GSDMB: variants seen among roughly 807,000 people sequenced by gnomAD.
The protein encoded by GSDMB is gasdermin-B.
Under a neutral mutation model 42.9 loss-of-function variants are expected in GSDMB, and 32 were observed. The observed-to-expected ratio is 0.75, with a 90% CI of 0.56 to 1.00. GSDMB has a LOEUF of 1.00. Ranked by LOEUF, GSDMB falls within the 50% of genes least tolerant of loss-of-function variation. The probability of loss-of-function intolerance (pLI) is 0.00; values close to 1 mark genes in which losing one functional copy is unlikely to be tolerated. For missense variants in GSDMB, 468 were observed against 498.5 expected (o/e 0.94, Z 0.58); for synonymous variants, 175 against 193.7 (o/e 0.90, Z 0.80).
At chr17:39,917,721 A>C (rs1598282221) in intron 1 of GSDMB, 3 of 206,458 alleles carry the variant, frequency 1.5e-5, no homozygotes, top group Non-Finnish European at 2.0e-5. Context: ...TAATGCCACC[A>C]CCCTTTGCTG....
intron 4 of GSDMB, chr17:39,909,462 C>T (rs1054504249): frequency 1.8e-5 from 7 of 383,368 alleles, no homozygotes; most frequent in Admixed American, 8.3e-5. Flanking sequence ...TTTGGGAGGC[C>T]GAGGTGGGTG....
chr17:39,915,361 A>T (rs2063691079), intron 2 of GSDMB, among the ~76,000 whole-genome samples: 2 of 152,216 alleles, frequency 1.3e-5, no homozygotes, highest in East Asian at 3.8e-4. Flanking sequence ...AATCAATTCA[A>T]ATTACCAATT....
intron 5 of GSDMB, 78 bp from the exon 6 acceptor site, chr17:39,908,292 A>AGTCCCTCTC: frequency 1.4e-6 from 1 of 693,344 alleles, no homozygotes; most frequent in Non-Finnish European, 2.6e-6. Context: ...CCCTTTCTCC[A>AGTCCCTCTC]GTCCCTCTCA....
intron 6 of GSDMB, 130 bp from the exon 7 acceptor site, chr17:39,907,117 A>T (rs2063519099): frequency 6.6e-7 from 1 of 1,524,872 alleles, no homozygotes; most frequent in African/African-American, 1.4e-5. Context: ...GGGAGCCTGC[A>T]TCCTCACCAG....
Position 39,909,044 on chromosome 17 carries a change from T to C in GSDMB, c.577-2A>G. On this transcript the variant is annotated splice_acceptor_variant, in intron 4 of 10. Coordinates refer to ENST00000418519, the MANE Select transcript of GSDMB (RefSeq NM_001165958.2). LOFTEE classifies it high-confidence loss of function. ...GGGGATGGTCACTTCCCTTTGGCCCTAGAAAAAGGAGCTCACATTGACGGA... is the reference window on the plus strand; with the variant it reads ...GGGGATGGTCACTTCCCTTTGGCCCCAGAAAAAGGAGCTCACATTGACGGA... The C allele has an allele frequency of 1.3e-6, 2 of 1,580,062 alleles. No homozygotes were observed. Among genetic ancestry groups the C allele is most frequent in the Non-Finnish European group, 1.7e-6 (2 of 1,161,428 alleles).
At chr17:39,908,351 G>A (rs2063544513) in intron 5 of GSDMB, 137 bp from the exon 6 acceptor site, 1 of 577,592 alleles carries the variant, frequency 1.7e-6, no homozygotes, top group African/African-American at 2.1e-5. Context: ...AAAGACAACT[G>A]TTTTTTGTTT....
intron 3 of GSDMB, 71 bp from the exon 4 acceptor site, chr17:39,909,995 C>A: frequency 8.7e-7 from 1 of 1,144,660 alleles, no homozygotes; most frequent in Non-Finnish European, 1.3e-6. Context: ...TTTTCCCTCT[C>A]TGTGAGCCAG....
Position 39,912,452 on chromosome 17 carries a change from C to A in GSDMB, c.281G>T (p.Gly94Val), listed in dbSNP as rs774647453. The A allele has an allele frequency of 1.2e-6, 2 of 1,611,484 alleles. No individual in the cohort carries two copies. Among genetic ancestry groups the A allele is most frequent in the South Asian group, 1.1e-5 (1 of 91,046 alleles). ...FQILDNVDST[G>V]ELIVRLPKEI... ...TTTGGGTAATCTCACTATCAACTCT[C>A]CCGTTGAGTCTACATTATCCAGAAT... The change falls in exon 3 of 11, where the codon GGA becomes GTA. Residue 94 changes from glycine to valine, a missense_variant. Coordinates refer to ENST00000418519, the MANE Select transcript of GSDMB (RefSeq NM_001165958.2).
intron 8 of GSDMB, 28 bp from the exon 9 acceptor site, chr17:39,906,013 C>A (rs763535055): frequency 1.9e-6 from 3 of 1,613,222 alleles, no homozygotes; most frequent in African/African-American, 2.7e-5. Flanking sequence ...GGGAGATGAG[C>A]AGCAGTCTCA....
At chr17:39,907,287 T>A in intron 6 of GSDMB, 3 of 945,272 alleles carry the variant, frequency 3.2e-6, no homozygotes, top group South Asian at 2.4e-5. Context: ...GACTTCTCTA[T>A]CCCTTTCCAA....
In GSDMB at chr17:39,917,198, A is replaced by T; in HGVS notation, c.119T>A (p.Val40Glu). Residue 40 changes from valine to glutamate, a missense_variant, in exon 2 of 11, where the codon GTG (valine) becomes GAG (glutamate). By Grantham distance (121) the Val-to-Glu change is moderately radical. Transcript: ENST00000418519. ...DADRFRCFHL[V>E]GEKRTFFGCR... ...TCCAAAGAAAGTTCTCTTCTCCCCC[A>T]CCAGATGGAAGCAGCGGAATCTATC... The T allele has an allele frequency of 2.5e-6, 4 of 1,613,990 alleles. No homozygotes were observed. Among genetic ancestry groups the T allele is most frequent in the Non-Finnish European group, 8.5e-7 (1 of 1,179,918 alleles).
Position 39,906,257 on chromosome 17 carries a change from A to C in GSDMB, c.742T>G (p.Ser248Ala), listed in dbSNP as rs768046166. 1 of 1,614,212 alleles carries C rather than the reference A, an allele frequency of 6.2e-7. No homozygotes were observed. The highest frequency in any genetic ancestry group is 8.5e-7 in the Non-Finnish European group (1 of 1,180,034). ...TCCTTCATGTTTCTGGAATCCTCCG[A>C]ACCCAAAGACTTTCCTGTAGAGGCA... ...ASSCLGKSLGSEDSRNMKEKL... is the reference protein window; with the variant it reads ...ASSCLGKSLGAEDSRNMKEKL... Residue 248 changes from serine (S) to alanine (A), a missense_variant, in exon 8 of 11, where the codon TCG becomes GCG. Transcript: ENST00000418519.
Position 39,908,177 on chromosome 17 carries a change from T to C in GSDMB, c.699A>G (p.Glu233=), listed in dbSNP as rs1393816232. The C allele has an allele frequency of 1.3e-6, 2 of 1,502,488 alleles. No homozygotes were observed. The highest frequency in any genetic ancestry group is 2.0e-5 in the Admixed American group (1 of 50,948). 93.1% of individuals were successfully genotyped at this position (1,502,488 alleles called of 1,614,324 possible). A position where few individuals can be genotyped will look rare whatever the true frequency, so the allele number is the denominator to read the frequency against. ...HFRGKTKSFP[E]EKDGASSCLG... ...CGGGAAGCCCAGCAGCTCACTCACCTTCTGGAAAGGATTTTGTTTTGCCCC... is the reference window on the plus strand; with the variant it reads ...CGGGAAGCCCAGCAGCTCACTCACCCTCTGGAAAGGATTTTGTTTTGCCCC... The change falls in exon 6 of 11, where the codon GAA becomes GAG. Residue 233 remains glutamate, a splice_region_variant and synonymous_variant. Transcript: ENST00000418519.
chr17:39,907,295 C>G (rs1478609457), intron 6 of GSDMB: 1 of 846,008 alleles, frequency 1.2e-6, no homozygotes, highest in Non-Finnish European at 1.6e-6. Context: ...TATCCCTTTC[C>G]AAGCTCTCTT....
At chr17:39,906,009 T>C (rs774801722) in intron 8 of GSDMB, 24 bp from the exon 9 acceptor site, 5 of 1,613,524 alleles carry the variant, frequency 3.1e-6, no homozygotes, top group Non-Finnish European at 1.7e-6. Flanking sequence ...GTGTGGGAGA[T>C]GAGCAGCAGT....
chr17:39,914,833 CT>C (rs79835993), intron 2 of GSDMB, among the ~76,000 whole-genome samples: 3,927 of 140,072 alleles, frequency 0.028, 74 homozygotes, highest in Non-Finnish European at 0.042. Flanking sequence ...CCTATGCACA[CT>C]TTTTTTTTTG....
rs369141327 is a variant in GSDMB at position 39,917,244 on chromosome 17, C to A, written c.73G>T (p.Val25Phe). 1 of 1,613,992 alleles carries A rather than the reference C, an allele frequency of 6.2e-7. No individual in the cohort carries two copies. The highest frequency in any genetic ancestry group is 1.7e-5 in the Admixed American group (1 of 60,018). Reference sequence around the variant, plus strand: ...CTATCAGCATCAACAAGGCTTCTAACGGCAATCATATCCCCTCCAGCATCC... The same window carrying A: ...CTATCAGCATCAACAAGGCTTCTAAAGGCAATCATATCCCCTCCAGCATCC... ...EMDAGGDMIA[V>F]RSLVDADRFR... is the part of the protein sequence containing the mutation. Residue 25 changes from valine to phenylalanine, a missense_variant, in exon 2 of 11, where the codon GTT (valine) becomes TTT (phenylalanine). By Grantham distance (50) the Val-to-Phe change is conservative. Coordinates refer to ENST00000418519, the MANE Select transcript of GSDMB (RefSeq NM_001165958.2).
rs753151963 is a variant in GSDMB at position 39,912,313 on chromosome 17, A to C, written c.407+13T>G. The stretch of plus-strand genomic sequence containing the variant: ...TCTTCCCCTCCTTCCCTGCTGCCCA[A>C]CTCCAACCTCACCTGTTTTCAAGGG... On this transcript the variant is annotated intron_variant, in intron 3 of 10. Coordinates refer to ENST00000418519, the MANE Select transcript of GSDMB (RefSeq NM_001165958.2). 53 of 1,609,844 alleles carry C rather than the reference A, an allele frequency of 3.3e-5. No individual in the cohort carries two copies. Among genetic ancestry groups the C allele is most frequent in the Non-Finnish European group, 4.2e-5 (49 of 1,177,068 alleles).
chr17:39,908,346 C>G (rs1379126605), intron 5 of GSDMB, 132 bp from the exon 6 acceptor site: 1 of 552,756 alleles, frequency 1.8e-6, no homozygotes, highest in South Asian at 2.2e-5. Flanking sequence ...AAAAAAAAGA[C>G]AACTGTTTTT....
Sources: gnomAD v4.1 joint callset for allele counts (sites outside exome capture counted in the v4.1 genomes callset) on GRCh38, gnomAD v4.1.1 for gene constraint, MANE v1.5 for transcripts, NCBI Gene and HGNC (gene_info 2026-07-23, HGNC 2026-07-21) for gene names.